Variants in PCDH9 observed in about 807,000 individuals in gnomAD.
The protein encoded by PCDH9 is protocadherin 9.
In PCDH9, 24 loss-of-function variants were observed where a neutral mutation model predicts 70.6. The ratio of observed to expected loss-of-function variants is 0.34; its 90% CI spans 0.25 to 0.48. The LOEUF (loss-of-function observed/expected upper bound fraction) is 0.48, where lower values mean the gene tolerates loss of function less well. PCDH9 is among the 20% of genes least tolerant of loss of function. PCDH9 has a pLI of 0.99. For missense variants in PCDH9, 1,281 were observed against 1,503.6 expected, an observed-to-expected ratio of 0.85 and a Z score of 2.45; for synonymous variants, 562 against 558.5, an observed-to-expected ratio of 1.01 and a Z score of -0.09.
At chr13:66,819,315 T>C (rs1228810283) in intron 3 of PCDH9, among the ~76,000 whole-genome samples, 4 of 107,358 alleles carry the variant, frequency 3.7e-5, no homozygotes, top group South Asian at 4.6e-4. Context: ...CCCAAAGTAA[T>C]TGATGAGGAG....
intron 2 of PCDH9, among the ~76,000 whole-genome samples, chr13:67,166,264 A>G (rs1424076554): frequency 6.6e-6 from 1 of 152,158 alleles, no homozygotes; most frequent in Non-Finnish European, 1.5e-5. Flanking sequence ...TTTCAATTAG[A>G]TATGGATAAG....
intron 4 of PCDH9, among the ~76,000 whole-genome samples, chr13:66,514,970 G>A (rs1242066177): frequency 6.6e-6 from 1 of 151,950 alleles, no homozygotes; most frequent in Non-Finnish European, 1.5e-5. Context: ...ATTCTGTTTT[G>A]TAAGTACGGT....
At chr13:66,437,961 C>A (rs115988267) in intron 4 of PCDH9, among the ~76,000 whole-genome samples, 1 of 151,968 alleles carries the variant, frequency 6.6e-6, no homozygotes, top group Admixed American at 6.6e-5. Context: ...GGGCTGGGCG[C>A]GGTGGCTCAC....
intron 3 of PCDH9, among the ~76,000 whole-genome samples, chr13:66,845,720 G>A (rs2081196764): frequency 6.6e-6 from 1 of 152,160 alleles, no homozygotes; most frequent in Admixed American, 6.5e-5. Flanking sequence ...CACGGCAGTG[G>A]CTGCTCCATA....
chr13:66,839,516 T>C (rs1421073354), intron 3 of PCDH9, among the ~76,000 whole-genome samples: 1 of 152,218 alleles, frequency 6.6e-6, no homozygotes, highest in Non-Finnish European at 1.5e-5. Flanking sequence ...TCCTGTGCGA[T>C]GGGTACTTGC....
At chr13:66,831,162 T>G (rs1209583068) in intron 3 of PCDH9, among the ~76,000 whole-genome samples, 2 of 152,196 alleles carry the variant, frequency 1.3e-5, no homozygotes, top group East Asian at 3.8e-4. Flanking sequence ...GGCAGTAGTG[T>G]CTCTTTCTGT....
chr13:66,829,712 C>A (rs1030663436), intron 3 of PCDH9, among the ~76,000 whole-genome samples: 1 of 16,450 alleles, frequency 6.1e-5, no homozygotes, highest in Admixed American at 1.1e-3. Flanking sequence ...AGCGAGACTC[C>A]GTCTCAAAAA....
chr13:66,651,980 CA>C (rs2077858637), intron 3 of PCDH9, among the ~76,000 whole-genome samples: 1 of 152,008 alleles, frequency 6.6e-6, no homozygotes, highest in East Asian at 1.9e-4. Flanking sequence ...TAAAAACACT[CA>C]AAAAACTGGG....
At chr13:66,585,870 T>G (rs1268524040) in intron 4 of PCDH9, among the ~76,000 whole-genome samples, 1 of 152,184 alleles carries the variant, frequency 6.6e-6, no homozygotes, top group African/African-American at 2.4e-5. Flanking sequence ...GTTTCAGTTT[T>G]GACCTAAGAC....
chr13:66,367,499 C>T (rs1593866460), intron 4 of PCDH9, among the ~76,000 whole-genome samples: 1 of 152,094 alleles, frequency 6.6e-6, no homozygotes, highest in African/African-American at 2.4e-5. Context: ...GAGCTATGCT[C>T]CAGGGAAGCA....
chr13:66,636,590 G>T (rs1317066823), intron 3 of PCDH9, among the ~76,000 whole-genome samples: 1 of 151,964 alleles, frequency 6.6e-6, no homozygotes. Context: ...GAAACAAAAA[G>T]TTATTTGTAA....
intron 2 of PCDH9, among the ~76,000 whole-genome samples, chr13:67,098,151 C>A (rs1358822219): frequency 6.6e-6 from 1 of 152,020 alleles, no homozygotes; most frequent in African/African-American, 2.4e-5. Flanking sequence ...GGAACAACAA[C>A]AAAAGACACA....
chr13:66,999,229 T>C (rs1224890775), intron 2 of PCDH9, among the ~76,000 whole-genome samples: 2 of 152,120 alleles, frequency 1.3e-5, no homozygotes, highest in Admixed American at 6.6e-5. Flanking sequence ...CTAAATTCAA[T>C]TAATACAGCC....
chr13:67,131,026 A>G (rs1029159604), intron 2 of PCDH9, among the ~76,000 whole-genome samples: 1 of 152,162 alleles, frequency 6.6e-6, no homozygotes, highest in African/African-American at 2.4e-5. Context: ...AACTGAAGAT[A>G]TTAATTAGAA....
intron 3 of PCDH9, among the ~76,000 whole-genome samples, chr13:66,876,101 G>A (rs538582336): frequency 6.6e-6 from 1 of 152,166 alleles, no homozygotes; most frequent in African/African-American, 2.4e-5. Context: ...GTATTGATAA[G>A]TGTCTAGTGG....
At chr13:66,719,849 C>T (rs1400634935) in intron 3 of PCDH9, among the ~76,000 whole-genome samples, 1 of 152,044 alleles carries the variant, frequency 6.6e-6, no homozygotes, top group African/African-American at 2.4e-5. Flanking sequence ...TATAAGTATC[C>T]ATAGTGAAGT....
chr13:66,809,425 T>A (rs987477150), intron 3 of PCDH9, among the ~76,000 whole-genome samples: 2 of 152,182 alleles, frequency 1.3e-5, no homozygotes, highest in Admixed American at 6.6e-5. Context: ...TCCATTTTTT[T>A]AAAAGTCTAC....
chr13:66,362,455 G>A (rs1359318984), intron 4 of PCDH9, among the ~76,000 whole-genome samples: 1 of 152,056 alleles, frequency 6.6e-6, no homozygotes, highest in Non-Finnish European at 1.5e-5. Flanking sequence ...ATATCTTACT[G>A]TGATTCTGAG....
chr13:66,476,946 C>A (rs1403454378), intron 4 of PCDH9, among the ~76,000 whole-genome samples: 1 of 152,010 alleles, frequency 6.6e-6, no homozygotes, highest in Non-Finnish European at 1.5e-5. Flanking sequence ...AGGTGAATTA[C>A]CCTTATGGAT....
Sources: gnomAD v4.1 joint callset for allele counts (sites outside exome capture counted in the v4.1 genomes callset) on GRCh38, gnomAD v4.1.1 for gene constraint, MANE v1.5 for transcripts, NCBI Gene and HGNC (gene_info 2026-07-23, HGNC 2026-07-21) for gene names.